Variants in ADAMTS6 observed in about 807,000 individuals in gnomAD.
ADAMTS6 encodes A disintegrin and metalloproteinase with thrombospondin motifs 6.
In ADAMTS6, 23 loss-of-function variants were observed where a neutral mutation model predicts 144.3. That is an observed-to-expected ratio of 0.16 (90% confidence interval 0.11 to 0.23). The LOEUF is 0.23. Ranked by LOEUF, ADAMTS6 falls within the 10% of genes least tolerant of loss-of-function variation. The pLI is 1.00. For synonymous variants in ADAMTS6, 444 were observed against 457.5 expected (o/e 0.97, Z 0.38); for missense variants, 999 against 1,379.6 (o/e 0.72, Z 4.37).
chr5:65,327,594 T>C (rs1746294448), intron 9 of ADAMTS6, among the ~76,000 whole-genome samples: 1 of 152,166 alleles, frequency 6.6e-6, no homozygotes, highest in Non-Finnish European at 1.5e-5. Context: ...CAGAGGTATA[T>C]TCTATTTCTC....
intron 7 of ADAMTS6, among the ~76,000 whole-genome samples, chr5:65,420,685 A>G (rs1416016182): frequency 6.6e-6 from 1 of 152,164 alleles, no homozygotes; most frequent in African/African-American, 2.4e-5. Flanking sequence ...CGGCCTCTGA[A>G]TTTCTTAAAA....
At chr5:65,371,021 C>G (rs1381971338) in intron 7 of ADAMTS6, among the ~76,000 whole-genome samples, 1 of 152,100 alleles carries the variant, frequency 6.6e-6, no homozygotes, top group South Asian at 2.1e-4. Flanking sequence ...CACACTGACA[C>G]CTCACATGGC....
chr5:65,297,567 A>G (rs1323212280), intron 10 of ADAMTS6, among the ~76,000 whole-genome samples: 1 of 152,222 alleles, frequency 6.6e-6, no homozygotes, highest in African/African-American at 2.4e-5. Context: ...CTAGCCAACT[A>G]TAAAACATAA....
At chr5:65,427,177 C>T (rs534792266) in intron 7 of ADAMTS6, among the ~76,000 whole-genome samples, 14 of 152,086 alleles carry the variant, frequency 9.2e-5, no homozygotes, top group African/African-American at 2.2e-4. Context: ...CAACTTGTTA[C>T]GGTTATATAA....
At chr5:65,403,538 T>C (rs1044840564) in intron 7 of ADAMTS6, among the ~76,000 whole-genome samples, 1 of 152,162 alleles carries the variant, frequency 6.6e-6, no homozygotes, top group African/African-American at 2.4e-5. Context: ...ATTCAAATAA[T>C]TGGCGAGTCT....
intron 9 of ADAMTS6, among the ~76,000 whole-genome samples, chr5:65,306,886 T>C (rs1304901882): frequency 1.3e-5 from 2 of 152,226 alleles, no homozygotes; most frequent in African/African-American, 4.8e-5. Context: ...ATTTTATTAA[T>C]TTGTAGTTCT....
At chr5:65,313,233 A>ACC (rs1396460453) in intron 9 of ADAMTS6, among the ~76,000 whole-genome samples, 2 of 151,764 alleles carry the variant, frequency 1.3e-5, no homozygotes, top group Admixed American at 1.3e-4. Context: ...GACTGGACTT[A>ACC]CCTATTTTTT....
intron 11 of ADAMTS6, among the ~76,000 whole-genome samples, chr5:65,285,962 G>A (rs780868490): frequency 2.0e-5 from 3 of 152,168 alleles, no homozygotes; most frequent in South Asian, 2.1e-4. Flanking sequence ...TGGCATTTGA[G>A]CTGAGACTGA....
At chr5:65,306,029 T>C (rs1743906515) in intron 9 of ADAMTS6, among the ~76,000 whole-genome samples, 1 of 152,230 alleles carries the variant, frequency 6.6e-6, no homozygotes, top group Admixed American at 6.5e-5. Flanking sequence ...AGTGGTAGAT[T>C]CCTTAAGCTC....
intron 7 of ADAMTS6, among the ~76,000 whole-genome samples, chr5:65,447,362 A>T (rs1488172528): frequency 6.6e-6 from 1 of 152,152 alleles, no homozygotes; most frequent in African/African-American, 2.4e-5. Context: ...ACAAACCTTA[A>T]TAAAGTATGG....
At chr5:65,275,947 A>C (rs1762498339) in intron 11 of ADAMTS6, among the ~76,000 whole-genome samples, 2 of 152,126 alleles carry the variant, frequency 1.3e-5, no homozygotes, top group African/African-American at 4.8e-5. Flanking sequence ...TGTGATCTTT[A>C]TTAGGTTGCA....
rs1424257993 is a variant in ADAMTS6, at chr5:65,452,147, G to A, written c.913C>T (p.Leu305Phe). The change falls in exon 6 of 25, where the codon CTC (leucine) becomes TTC (phenylalanine). Residue 305 changes from leucine to phenylalanine, a missense_variant. Physicochemically the swap from Leu to Phe is conservative, Grantham distance 22. Transcript: ENST00000381055. ...VNIIVARLIV[L>F]TEDQPNLEIN... ...CTCATTCTTACCTGATCTTCTGTGA[G>A]AACAATTAAGCGGGCCACTATAATA... 1.2e-6 allele frequency: 2 copies of A among 1,608,936 alleles called. No homozygotes were observed. The highest frequency in any genetic ancestry group is 1.7e-6 in the Non-Finnish European group (2 of 1,177,114).
chr5:65,436,780 C>T (rs1554090809), intron 7 of ADAMTS6, among the ~76,000 whole-genome samples: 1 of 151,982 alleles, frequency 6.6e-6, no homozygotes, highest in Non-Finnish European at 1.5e-5. Flanking sequence ...ATTGCTTGAA[C>T]CCAGGAGACG....
chr5:65,436,275 C>T (rs1757397810), intron 7 of ADAMTS6, among the ~76,000 whole-genome samples: 2 of 152,134 alleles, frequency 1.3e-5, no homozygotes, highest in Admixed American at 6.5e-5. Context: ...GGCGCGACTG[C>T]ACTCCTGCCT....
At chr5:65,230,696 T>A (rs1161877194) in intron 15 of ADAMTS6, among the ~76,000 whole-genome samples, 1 of 101,104 alleles carries the variant, frequency 9.9e-6, no homozygotes, top group East Asian at 2.6e-4. Flanking sequence ...ATAACACATA[T>A]GTATGAAATA....
chr5:65,320,403 A>G (rs1274715397), intron 9 of ADAMTS6, among the ~76,000 whole-genome samples: 1 of 152,196 alleles, frequency 6.6e-6, no homozygotes, highest in Non-Finnish European at 1.5e-5. Flanking sequence ...TATATCTAAT[A>G]AAGAAATTAA....
intron 9 of ADAMTS6, among the ~76,000 whole-genome samples, chr5:65,314,926 C>T (rs977449477): frequency 6.6e-6 from 1 of 152,064 alleles, no homozygotes; most frequent in African/African-American, 2.4e-5. Flanking sequence ...AAGAATATCC[C>T]AATCACCCAC....
intron 11 of ADAMTS6, among the ~76,000 whole-genome samples, chr5:65,288,406 G>A (rs770291583): frequency 5.3e-5 from 8 of 149,624 alleles, no homozygotes; most frequent in Admixed American, 2.7e-4. Flanking sequence ...TGCAACCTCC[G>A]CTTCCCGGGT....
chr5:65,170,812 A>T (rs1179801079), intron 23 of ADAMTS6, 39 bp from the exon 24 acceptor site: 1 of 1,564,480 alleles, frequency 6.4e-7, no homozygotes, highest in East Asian at 2.3e-5. Flanking sequence ...TATTAATCTC[A>T]ACAATTTTCA....
Sources: gnomAD v4.1 joint callset for allele counts (sites outside exome capture counted in the v4.1 genomes callset) on GRCh38, gnomAD v4.1.1 for gene constraint, MANE v1.5 for transcripts, NCBI Gene and HGNC (gene_info 2026-07-23, HGNC 2026-07-21) for gene names.